Variants in TMEM132C observed in about 807,000 individuals in gnomAD.
The protein encoded by TMEM132C is transmembrane protein 132C.
TMEM132C carries 29 observed loss-of-function variants against 61.4 expected under a neutral mutation model. The ratio of observed to expected loss-of-function variants is 0.47; its 90% CI spans 0.35 to 0.64. The LOEUF is 0.64. Ranked by LOEUF, TMEM132C falls within the 30% of genes least tolerant of loss-of-function variation. The pLI is 0.00. For synonymous variants in TMEM132C, 656 were observed against 633.1 expected (o/e 1.04, Z -0.54); for missense variants, 1,408 against 1,476.9 (o/e 0.95, Z 0.76).
intron 4 of TMEM132C, among the ~76,000 whole-genome samples, chr12:128,634,905 G>A (rs1237293307): frequency 6.6e-6 from 1 of 152,140 alleles, no homozygotes; most frequent in Non-Finnish European, 1.5e-5. Flanking sequence ...TTCTGAAGGG[G>A]CCTGGAAAAG....
At chr12:128,362,577 T>G (rs1873740686) in intron 1 of TMEM132C, among the ~76,000 whole-genome samples, 1 of 151,310 alleles carries the variant, frequency 6.6e-6, no homozygotes, top group Admixed American at 6.6e-5. Context: ...TGTTTCAGAT[T>G]GCAGATTTTT....
intron 2 of TMEM132C, among the ~76,000 whole-genome samples, chr12:128,462,122 T>C (rs752832504): frequency 1.3e-5 from 2 of 152,216 alleles, no homozygotes; most frequent in Non-Finnish European, 2.9e-5. Flanking sequence ...TTTTGTTTTT[T>C]TGAGACAGAG....
chr12:128,515,661 G>T (rs1244563918), intron 2 of TMEM132C, among the ~76,000 whole-genome samples: 1 of 151,988 alleles, frequency 6.6e-6, no homozygotes, highest in Non-Finnish European at 1.5e-5. Context: ...GTAAAACCCC[G>T]TCTCTACTAA....
At chr12:128,342,471 A>C (rs755811778) in intron 1 of TMEM132C, among the ~76,000 whole-genome samples, 5 of 152,136 alleles carry the variant, frequency 3.3e-5, no homozygotes, top group Non-Finnish European at 7.4e-5. Flanking sequence ...AATCTTCCAA[A>C]CCTGTTTGAA....
intron 1 of TMEM132C, among the ~76,000 whole-genome samples, chr12:128,378,250 G>C (rs997329012): frequency 1.3e-5 from 2 of 152,046 alleles, no homozygotes; most frequent in East Asian, 3.9e-4. Flanking sequence ...GAGTAGCTGG[G>C]ACTACAGGAG....
chr12:128,324,420 ACT>A (rs1408254996), intron 1 of TMEM132C, among the ~76,000 whole-genome samples: 1 of 151,010 alleles, frequency 6.6e-6, no homozygotes, highest in Admixed American at 6.6e-5. Context: ...TTACTTGCTG[ACT>A]CTCCACGTCC....
At chr12:128,291,184 C>T (rs931478170) in intron 1 of TMEM132C, among the ~76,000 whole-genome samples, 1 of 152,224 alleles carries the variant, frequency 6.6e-6, no homozygotes, top group African/African-American at 2.4e-5. Flanking sequence ...TCCCAGAATT[C>T]CCCTGCAAGT....
chr12:128,414,125 G>T (rs1169609131), intron 1 of TMEM132C, among the ~76,000 whole-genome samples: 2 of 152,118 alleles, frequency 1.3e-5, no homozygotes, highest in African/African-American at 4.8e-5. Context: ...GGTGGCTTGT[G>T]CCTGTAATCC....
intron 3 of TMEM132C, among the ~76,000 whole-genome samples, chr12:128,584,552 C>T (rs77653427): frequency 0.031 from 4,783 of 152,272 alleles, 244 homozygotes; most frequent in African/African-American, 0.11. Flanking sequence ...CACTGTGCTG[C>T]GAATGGTCTG....
chr12:128,523,590 G>C (rs755193968), intron 2 of TMEM132C, among the ~76,000 whole-genome samples: 25 of 152,086 alleles, frequency 1.6e-4, no homozygotes, highest in Non-Finnish European at 2.8e-4. Flanking sequence ...CCACAAGGTA[G>C]ACCAGATGTC....
chr12:128,449,136 C>CA (rs141298455), intron 2 of TMEM132C, among the ~76,000 whole-genome samples: 3,482 of 49,946 alleles, frequency 0.07, 338 homozygotes, highest in African/African-American at 0.15. Flanking sequence ...GACTCTGTCT[C>CA]AAAAAAAAAA....
intron 1 of TMEM132C, among the ~76,000 whole-genome samples, chr12:128,298,778 T>C (rs1412505791): frequency 2.0e-5 from 3 of 152,234 alleles, no homozygotes; most frequent in Non-Finnish European, 2.9e-5. Context: ...GCTGCCTTCT[T>C]TGGGGGAATG....
chr12:128,270,267 C>T (rs11059612), intron 1 of TMEM132C, among the ~76,000 whole-genome samples: 72,359 of 151,984 alleles, frequency 0.48, 17,682 homozygotes, highest in African/African-American at 0.57. Context: ...TTTAGAATTA[C>T]TGATATCTTT....
intron 2 of TMEM132C, among the ~76,000 whole-genome samples, chr12:128,512,333 T>G (rs1872591853): frequency 6.6e-6 from 1 of 152,158 alleles, no homozygotes; most frequent in South Asian, 2.1e-4. Flanking sequence ...TATTTTCTTG[T>G]TTTTACCTCT....
intron 1 of TMEM132C, among the ~76,000 whole-genome samples, chr12:128,275,721 T>C (rs1354176906): frequency 1.3e-5 from 2 of 152,146 alleles, no homozygotes; most frequent in Non-Finnish European, 2.9e-5. Flanking sequence ...ATAGGATGGT[T>C]GACAATATTT....
At chr12:128,686,734 C>T (rs1268617685) in intron 5 of TMEM132C, among the ~76,000 whole-genome samples, 5 of 152,160 alleles carry the variant, frequency 3.3e-5, no homozygotes, top group African/African-American at 9.7e-5. Flanking sequence ...AGGTATACAA[C>T]AGTAAACAAA....
rs1358063274 is a variant in TMEM132C at position 128,414,838 on chromosome 12, C to T, written c.192C>T (p.Leu64=). Residue 64 remains leucine (L), a synonymous_variant, in exon 2 of 9, where the codon CTC becomes CTT. Transcript: ENST00000435159. ...HILRAETSFF[L]KEANQDLLRN... The stretch of plus-strand genomic sequence containing the variant: ...TCAGAGCAGAGACCTCCTTCTTCCT[C>T]AAGGAAGCCAACCAGGACCTGCTGC... 1 of 1,548,316 alleles carries T rather than the reference C, an allele frequency of 6.5e-7. No individual in the cohort carries two copies. Among genetic ancestry groups the T allele is most frequent in the Admixed American group, 2.0e-5 (1 of 50,994 alleles).
At chr12:128,664,623 T>C (rs1236022433) in intron 4 of TMEM132C, among the ~76,000 whole-genome samples, 1 of 152,232 alleles carries the variant, frequency 6.6e-6, no homozygotes. Context: ...ATTGTACACC[T>C]GTGTGCTTTC....
intron 2 of TMEM132C, among the ~76,000 whole-genome samples, chr12:128,474,405 C>T (rs1268338242): frequency 6.6e-6 from 1 of 152,144 alleles, no homozygotes; most frequent in Admixed American, 6.5e-5. Flanking sequence ...ACCTCACTGC[C>T]TTTAGCACAC....
Sources: gnomAD v4.1 joint callset for allele counts (sites outside exome capture counted in the v4.1 genomes callset) on GRCh38, gnomAD v4.1.1 for gene constraint, MANE v1.5 for transcripts, NCBI Gene and HGNC (gene_info 2026-07-23, HGNC 2026-07-21) for gene names.